MDGA2: variants seen among roughly 807,000 people sequenced by gnomAD.
MDGA2 encodes the protein MAM domain containing glycosylphosphatidylinositol anchor 2, also known as MAM domain-containing glycosylphosphatidylinositol anchor protein 2.
In MDGA2, 40 loss-of-function variants were observed where a neutral mutation model predicts 117.8. The ratio of observed to expected loss-of-function variants is 0.34; its 90% CI spans 0.26 to 0.44. MDGA2 has a LOEUF of 0.44. MDGA2 is among the 20% of genes least tolerant of loss of function. The pLI, the probability that MDGA2 is intolerant of heterozygous loss-of-function variation, is 1.00. For synonymous variants in MDGA2, 452 were observed against 439.0 expected (o/e 1.03, Z -0.37); for missense variants, 1,123 against 1,250.6 (o/e 0.90, Z 1.54).
chr14:47,166,830 C>A (rs749281964), intron 3 of MDGA2, among the ~76,000 whole-genome samples: 1 of 152,212 alleles, frequency 6.6e-6, no homozygotes, highest in Non-Finnish European at 1.5e-5. Context: ...AGAGCATAAC[C>A]AACTTTGTAC....
intron 1 of MDGA2, among the ~76,000 whole-genome samples, chr14:47,324,956 G>C (rs1340721147): frequency 6.6e-6 from 1 of 152,046 alleles, no homozygotes. Context: ...TTGATCAAGG[G>C]AAAATAGGCC....
intron 3 of MDGA2, among the ~76,000 whole-genome samples, chr14:47,148,685 G>A (rs552281865): frequency 1.3e-5 from 2 of 152,266 alleles, no homozygotes; most frequent in South Asian, 2.1e-4. Context: ...AGAAAGAAAT[G>A]AGAGAATAAT....
intron 6 of MDGA2, among the ~76,000 whole-genome samples, chr14:47,065,976 T>G (rs903271299): frequency 6.6e-5 from 10 of 152,198 alleles, no homozygotes; most frequent in African/African-American, 2.2e-4. Context: ...TAAATAAAAA[T>G]CAATTTCCTA....
intron 5 of MDGA2, among the ~76,000 whole-genome samples, chr14:47,118,765 A>C (rs1339024238): frequency 6.6e-6 from 1 of 152,032 alleles, no homozygotes. Flanking sequence ...AAGGTCTCTC[A>C]CTCTGTCGTT....
chr14:47,165,896 G>T lies in MDGA2; in HGVS notation c.596-21622C>A, dbSNP rs139778720. Among the ~76,000 whole-genome samples the T allele has an allele frequency of 1.5e-4, 23 of 152,022 alleles. No homozygotes were observed. In the East Asian group the frequency reaches 3.5e-3, roughly 23 times the overall value. On this transcript the variant is annotated intron_variant, in intron 3 of 16. Coordinates refer to ENST00000399232, the MANE Select transcript of MDGA2 (RefSeq NM_001113498.3). ...AGGCAGAATAAAAACACACATTTTT[G>T]TTCTACCTTGATTTGCATAAATAAA...
chr14:47,010,169 T>C (rs1026171529), intron 8 of MDGA2, among the ~76,000 whole-genome samples: 4 of 151,972 alleles, frequency 2.6e-5, no homozygotes, highest in African/African-American at 4.8e-5. Flanking sequence ...TCCTGGACAG[T>C]TGGAAATTGT....
intron 1 of MDGA2, among the ~76,000 whole-genome samples, chr14:47,313,914 T>C (rs915958342): frequency 1.3e-5 from 2 of 152,140 alleles, no homozygotes; most frequent in South Asian, 4.1e-4. Context: ...AAAAGATACA[T>C]ATACAAGTAT....
intron 1 of MDGA2, among the ~76,000 whole-genome samples, chr14:47,666,880 A>C (rs1897983159): frequency 6.6e-6 from 1 of 152,124 alleles, no homozygotes; most frequent in African/African-American, 2.4e-5. Context: ...GGAGGAACGA[A>C]CAACTCCAGA....
chr14:47,029,116 A>T (rs1304942451), intron 8 of MDGA2, among the ~76,000 whole-genome samples: 1 of 152,188 alleles, frequency 6.6e-6, no homozygotes, highest in Non-Finnish European at 1.5e-5. Context: ...TATGTATTAC[A>T]GCACTTTCCA....
At chr14:46,956,955 G>A (rs993926754) in intron 9 of MDGA2, among the ~76,000 whole-genome samples, 2 of 152,100 alleles carry the variant, frequency 1.3e-5, no homozygotes, top group Non-Finnish European at 2.9e-5. Context: ...ATGTGAAGTA[G>A]GTCCTTGCTT....
At chr14:47,200,492 C>G in intron 3 of MDGA2, 10 of 541,986 alleles carry the variant, frequency 1.8e-5, no homozygotes, top group South Asian at 3.4e-5. Flanking sequence ...TATGCAACCA[C>G]TTCCCTTTTT....
At chr14:47,436,665 A>G (rs1247373239) in intron 1 of MDGA2, among the ~76,000 whole-genome samples, 1 of 152,084 alleles carries the variant, frequency 6.6e-6, no homozygotes, top group Non-Finnish European at 1.5e-5. Flanking sequence ...CATAAAATAC[A>G]CTAATACTAA....
At chr14:46,983,718 A>G (rs1886766917) in intron 8 of MDGA2, among the ~76,000 whole-genome samples, 1 of 152,120 alleles carries the variant, frequency 6.6e-6, no homozygotes, top group Non-Finnish European at 1.5e-5. Flanking sequence ...CACTTCACAC[A>G]TTAAAAGAGA....
At chr14:47,015,313 C>A (rs1888043084) in intron 8 of MDGA2, among the ~76,000 whole-genome samples, 1 of 115,368 alleles carries the variant, frequency 8.7e-6, no homozygotes, top group South Asian at 3.4e-4. Flanking sequence ...AAAGTGAGCA[C>A]ATGCTGTTAA....
At chr14:47,629,869 C>T (rs751210217) in intron 1 of MDGA2, among the ~76,000 whole-genome samples, 9 of 152,090 alleles carry the variant, frequency 5.9e-5, no homozygotes, top group Non-Finnish European at 1.3e-4. Flanking sequence ...ACACAAATCA[C>T]CCAAAGGATC....
intron 10 of MDGA2, among the ~76,000 whole-genome samples, chr14:46,897,871 A>T (rs1883141224): frequency 6.6e-6 from 1 of 151,922 alleles, no homozygotes; most frequent in African/African-American, 2.4e-5. Flanking sequence ...GACAATCTTT[A>T]TCTATTTTTG....
intron 1 of MDGA2, among the ~76,000 whole-genome samples, chr14:47,418,012 C>T (rs561727227): frequency 2.1e-4 from 32 of 152,112 alleles, no homozygotes; most frequent in Non-Finnish European, 4.1e-4. Context: ...TGCACCTGGA[C>T]GAGTACAAAT....
At chr14:47,000,104 A>G (rs1193854987) in intron 8 of MDGA2, among the ~76,000 whole-genome samples, 1 of 151,520 alleles carries the variant, frequency 6.6e-6, no homozygotes, top group Admixed American at 6.6e-5. Context: ...AAATAAAAAT[A>G]TTATAGCTAA....
At chr14:47,204,404 A>G (rs1885612043) in intron 3 of MDGA2, among the ~76,000 whole-genome samples, 1 of 152,036 alleles carries the variant, frequency 6.6e-6, no homozygotes, top group South Asian at 2.1e-4. Flanking sequence ...GGGAAAGGAA[A>G]TCCTGAAATA....
Sources: gnomAD v4.1 joint callset for allele counts (sites outside exome capture counted in the v4.1 genomes callset) on GRCh38, gnomAD v4.1.1 for gene constraint, MANE v1.5 for transcripts, NCBI Gene and HGNC (gene_info 2026-07-23, HGNC 2026-07-21) for gene names.